Variants in KDM7A observed in about 807,000 individuals in gnomAD.
The protein encoded by KDM7A is lysine demethylase 7A.
A neutral mutation model predicts 114.8 loss-of-function variants in KDM7A; 28 were observed. The ratio of observed to expected loss-of-function variants is 0.24; its 90% CI spans 0.18 to 0.33. The LOEUF is 0.33. KDM7A is among the 10% of genes least tolerant of loss of function. The pLI is 1.00. For missense variants in KDM7A, 942 were observed against 1,142.5 expected, an observed-to-expected ratio of 0.82 and a Z score of 2.53; for synonymous variants, 423 against 397.8, an observed-to-expected ratio of 1.06 and a Z score of -0.75.
rs1261080564 is a variant in KDM7A at position 140,129,733 on chromosome 7, T to C, written c.399-80A>G. The C allele has an allele frequency of 3.7e-6, 3 of 807,908 alleles. No homozygotes were observed. In the African/African-American group the frequency reaches 5.1e-5, roughly 14 times the overall value. The allele number at this position is 807,908 out of a possible 1,614,324, so 50.0% of individuals were successfully genotyped here. A position where few individuals can be genotyped will look rare whatever the true frequency, so the allele number is the denominator to read the frequency against. On this transcript the variant is annotated intron_variant, in intron 3 of 19. Coordinates refer to ENST00000397560, the MANE Select transcript of KDM7A (RefSeq NM_030647.2). ...AAAAAATACGGTAGTGATGGGTTAA[T>C]TCATATACTGGATTATCTATATCAG...
chr7:140,097,080 A>AT, intron 15 of KDM7A, 33 bp from the exon 16 acceptor site: 1 of 1,566,974 alleles, frequency 6.4e-7, no homozygotes, highest in Non-Finnish European at 8.7e-7. Flanking sequence ...ACAAAGCTAC[A>AT]TAAGAAATTG....
intron 2 of KDM7A, among the ~76,000 whole-genome samples, chr7:140,137,896 T>C (rs557658735): frequency 6.6e-6 from 1 of 152,274 alleles, no homozygotes; most frequent in African/African-American, 2.4e-5. Flanking sequence ...AAAGAGGTCA[T>C]ATAAGTTACC....
chr7:140,172,053 G>C (rs1794650910), intron 1 of KDM7A, among the ~76,000 whole-genome samples: 1 of 152,090 alleles, frequency 6.6e-6, no homozygotes, highest in African/African-American at 2.4e-5. Flanking sequence ...GTAGGGGCTG[G>C]TTAATAATAC....
chr7:140,142,660 T>C (rs1444193942), intron 1 of KDM7A, among the ~76,000 whole-genome samples: 1 of 152,142 alleles, frequency 6.6e-6, no homozygotes, highest in Non-Finnish European at 1.5e-5. Flanking sequence ...AAACTGATAG[T>C]CTGATACAGC....
chr7:140,098,747 T>C, intron 14 of KDM7A, 132 bp downstream of exon 14: 1 of 746,610 alleles, frequency 1.3e-6, no homozygotes, highest in Non-Finnish European at 2.2e-6. Context: ...CTTCAGATTT[T>C]TCAAGACAGT....
intron 18 of KDM7A, 79 bp downstream of exon 18, chr7:140,093,977 A>C (rs995748543): frequency 3.4e-6 from 3 of 870,854 alleles, no homozygotes; most frequent in Admixed American, 1.7e-5. Context: ...ACTGGTTGTT[A>C]CAGTTTTAAA....
intron 12 of KDM7A, among the ~76,000 whole-genome samples, chr7:140,100,737 TATATACATATATA>T (rs1562946167): frequency 3.6e-4 from 18 of 50,164 alleles, no homozygotes; most frequent in African/African-American, 1.2e-3. Flanking sequence ...TATATATATA[TATATACATATATA>T]TTTTTTTGTT....
rs758656761 is a variant in KDM7A, at chr7:140,120,456, A to T, written c.1125T>A (p.Ile375=). 6 of 1,609,150 alleles carry T rather than the reference A, an allele frequency of 3.7e-6. No homozygotes were observed. The South Asian group carries it at 6.6e-5, about 18-fold the overall frequency. The change falls in exon 8 of 20, where the codon ATT becomes ATA. Residue 375 remains isoleucine (I), a synonymous_variant. Transcript: ENST00000397560. ...ATGACACAAACCTGAGCTGCATGCC[A>T]ATGTTAAGGTTGTGCAGGAAGTTCC... ...FGGNFLHNLN[I]GMQLRCYEME...
At position 140,176,878 on chromosome 7, in the gene KDM7A, G is replaced by T; in HGVS notation, c.60C>A (p.Ala20=). Residue 20 remains alanine, a synonymous_variant, in exon 1 of 20, where the codon GCC becomes GCA. Coordinates refer to ENST00000397560, the MANE Select transcript of KDM7A (RefSeq NM_030647.2). This position sits in a 1 kb window ranked among gnomAD's most constrained non-coding sequence, Gnocchi z 4.4. ...AGAAAGAAAA[A]VSVAAPGRAS... ...CCCGGCCGGGAGCCGCCACCGACAC[G>T]GCTGCCGCGGCGGCTCCAGCTGCTG... The T allele has an allele frequency of 8.2e-7, 1 of 1,215,610 alleles. No individual in the cohort carries two copies. Among genetic ancestry groups the T allele is most frequent in the Non-Finnish European group, 1.0e-6 (1 of 965,786 alleles). The allele number at this position is 1,215,610 out of a possible 1,614,324, so 75.3% of individuals were successfully genotyped here.
rs1371959637 is a variant in KDM7A at position 140,176,023 on chromosome 7, G to T, written c.194+721C>A. On this transcript the variant is annotated intron_variant, in intron 1 of 19. Transcript: ENST00000397560. This position sits in a 1 kb window ranked among gnomAD's most constrained non-coding sequence, Gnocchi z 4.4. ...GCGGGGGCCCAGGACCGCGACCCGG[G>T]TCAACCTGCCGCCCGCCGGGGGCCC... Among the ~76,000 whole-genome samples the T allele has an allele frequency of 2.0e-5, 3 of 152,070 alleles. No individual in the cohort carries two copies. The highest frequency in any genetic ancestry group is 4.4e-5 in the Non-Finnish European group (3 of 67,994).
In KDM7A at chr7:140,102,176, T is replaced by G; in HGVS notation, c.1429-16A>C. 1 of 1,576,200 alleles carries G rather than the reference T, an allele frequency of 6.3e-7. No individual in the cohort carries two copies. Among genetic ancestry groups the G allele is most frequent in the Non-Finnish European group, 8.7e-7 (1 of 1,145,700 alleles). ...CGTTTTCCTCCTTTAAGAATTAAAA[T>G]CAGAGTATTTTTATAAGAAGGCTGT... On this transcript the variant is annotated splice_polypyrimidine_tract_variant and intron_variant, in intron 11 of 19. Coordinates refer to ENST00000397560, the MANE Select transcript of KDM7A (RefSeq NM_030647.2).
chr7:140,106,182 T>C (rs1818335927), intron 11 of KDM7A, among the ~76,000 whole-genome samples: 1 of 152,092 alleles, frequency 6.6e-6, no homozygotes, highest in South Asian at 2.1e-4. Flanking sequence ...TTCTCTCTTT[T>C]CTTATTAGTC....
chr7:140,123,229 C>CT (rs1357305659), intron 7 of KDM7A, among the ~76,000 whole-genome samples: 3 of 152,176 alleles, frequency 2.0e-5, no homozygotes, highest in African/African-American at 7.2e-5. Flanking sequence ...AAATACACTG[C>CT]TGGTGGTAAC....
rs543181417 is a variant in KDM7A at position 140,163,182 on chromosome 7, G to T, written c.194+13562C>A. Among the ~76,000 whole-genome samples the T allele has an allele frequency of 4.2e-3, 635 of 152,140 alleles. 6 individuals are homozygous for T. The highest frequency in any genetic ancestry group is 0.015 in the African/African-American group (613 of 41,494). ...ACTAATTTTTTGTATTTTTAGTAGA[G>T]ACGGGGTTTCACCGTGTTAGCCAGA... is the stretch of plus-strand genomic sequence containing the variant. On this transcript the variant is annotated intron_variant, in intron 1 of 19. Coordinates refer to ENST00000397560, the MANE Select transcript of KDM7A (RefSeq NM_030647.2).
At chr7:140,096,790 AAG>A (rs750026021) in intron 16 of KDM7A, 27 bp from the exon 17 acceptor site, 366 of 1,602,920 alleles carry the variant, frequency 2.3e-4, no homozygotes, top group Middle Eastern at 6.7e-4. Context: ...CCAAAAACAC[AAG>A]AGTCTATTTT....
rs553028458 is a variant in KDM7A at position 140,098,938 on chromosome 7, A to G, written c.1859T>C (p.Ile620Thr). The change falls in exon 14 of 20, where the codon ATA becomes ACA. Residue 620 changes from isoleucine (I) to threonine (T), a missense_variant. Ile to Thr is a moderately conservative substitution (Grantham distance 89). Around this residue, in one of 4 missense-constraint regions of KDM7A, gnomAD observed 512 missense variants for 576.6 expected, o/e 0.89. Transcript: ENST00000397560. ...KRRTKKAKMK[I>T]EESSGVEGVE... ...TCCCTCTACTCCTGAACTCTCTTCT[A>G]TCTTCATTTTTGCCTTTTTTGTCCT... is the stretch of plus-strand genomic sequence containing the variant. 3 of 1,613,352 alleles carry G rather than the reference A, an allele frequency of 1.9e-6. No individual in the cohort carries two copies. Among genetic ancestry groups the G allele is most frequent in the East Asian group, 4.5e-5 (2 of 44,826 alleles).
intron 9 of KDM7A, among the ~76,000 whole-genome samples, chr7:140,114,447 G>A (rs1562950013): frequency 6.6e-6 from 1 of 152,180 alleles, no homozygotes; most frequent in Non-Finnish European, 1.5e-5. Context: ...CGGGATTGCA[G>A]ACGGAGTCTC....
intron 2 of KDM7A, among the ~76,000 whole-genome samples, chr7:140,136,779 C>T (rs964950165): frequency 6.6e-6 from 1 of 151,758 alleles, no homozygotes; most frequent in Non-Finnish European, 1.5e-5. Flanking sequence ...TTTGAGAGGC[C>T]GAGGCGAGAC....
rs1444560714 is a variant in KDM7A at position 140,084,984 on chromosome 7, T to TA, written c.*6109dup. 7 of 152,204 alleles carry TA rather than the reference T, an allele frequency of 4.6e-5. No homozygotes were observed. The highest frequency in any genetic ancestry group is 1.7e-4 in the African/African-American group (7 of 41,448). The allele number at this position is 152,204 out of a possible 1,614,324, so 9.4% of individuals were successfully genotyped here. A position where few individuals can be genotyped will look rare whatever the true frequency, so the allele number is the denominator to read the frequency against. ...AATCAATGTAAGCTACTTAAAGACT[T>TA]ACAAATTTAAAGTAAAACAGAAACA... On this transcript the variant is annotated 3_prime_UTR_variant, in exon 20 of 20. Coordinates refer to ENST00000397560, the MANE Select transcript of KDM7A (RefSeq NM_030647.2).
Sources: allele counts gnomAD v4.1 joint callset (sites outside exome capture counted in the v4.1 genomes callset), GRCh38; gene constraint gnomAD v4.1.1; regional missense constraint gnomAD v4.1.1; non-coding constraint Gnocchi (gnomAD v3.1); transcripts MANE v1.5; gene names NCBI Gene and HGNC (gene_info 2026-07-23, HGNC 2026-07-21).